Variants in TCF4 observed in about 807,000 individuals in gnomAD.
The protein encoded by TCF4 is transcription factor 4.
In TCF4, 3 loss-of-function variants were observed where a neutral mutation model predicts 82.1. The ratio of observed to expected loss-of-function variants is 0.04; its 90% CI spans 0.02 to 0.09. TCF4 has a LOEUF of 0.09. TCF4 is among the 10% of genes least tolerant of loss of function. TCF4 has a pLI of 1.00. For missense variants in TCF4, 518 were observed against 852.7 expected, an observed-to-expected ratio of 0.61 and a Z score of 4.89; for synonymous variants, 276 against 309.6, an observed-to-expected ratio of 0.89 and a Z score of 1.14.
intron 8 of TCF4, among the ~76,000 whole-genome samples, chr18:55,297,508 G>A (rs1017011052): frequency 1.3e-5 from 2 of 152,146 alleles, no homozygotes; most frequent in Non-Finnish European, 2.9e-5. Context: ...TCTGTAACGT[G>A]CTGTCAGGGC....
At chr18:55,307,518 C>A (rs1412712465) in intron 8 of TCF4, among the ~76,000 whole-genome samples, 1 of 152,264 alleles carries the variant, frequency 6.6e-6, no homozygotes, top group South Asian at 2.1e-4. Flanking sequence ...TTCTGGCAAC[C>A]AAAGACTGCA....
intron 2 of TCF4, among the ~76,000 whole-genome samples, chr18:55,595,720 G>A (rs967630801): frequency 1.3e-5 from 2 of 152,188 alleles, no homozygotes; most frequent in African/African-American, 2.4e-5. Flanking sequence ...AAAAGATTTA[G>A]TACTAGCCTT....
intron 15 of TCF4, among the ~76,000 whole-genome samples, chr18:55,241,261 G>C (rs1173419184): frequency 1.3e-5 from 2 of 152,218 alleles, no homozygotes; most frequent in Non-Finnish European, 1.5e-5. Flanking sequence ...TCTCTCTTCT[G>C]TGTCCCACAC....
At chr18:55,545,995 A>G (rs1190819883) in intron 3 of TCF4, among the ~76,000 whole-genome samples, 1 of 152,194 alleles carries the variant, frequency 6.6e-6, no homozygotes, top group African/African-American at 2.4e-5. Flanking sequence ...TGACTTTTAA[A>G]ATCCAACATG....
At chr18:55,228,710 T>A in intron 18 of TCF4, 137 bp downstream of exon 18, 1 of 920,514 alleles carries the variant, frequency 1.1e-6, no homozygotes, top group South Asian at 1.4e-5. Context: ...TTAGACACAG[T>A]CTGCAATGGA....
chr18:55,236,515 ACT>A (rs1481783520), intron 15 of TCF4, among the ~76,000 whole-genome samples: 2 of 151,548 alleles, frequency 1.3e-5, no homozygotes, highest in Non-Finnish European at 2.9e-5. Flanking sequence ...TTCCTCTGTG[ACT>A]GAAGTCTGCT....
intron 5 of TCF4, among the ~76,000 whole-genome samples, chr18:55,427,824 G>A (rs1388645849): frequency 1.3e-5 from 2 of 152,162 alleles, no homozygotes; most frequent in African/African-American, 4.8e-5. Flanking sequence ...GCGAATGAAT[G>A]AATAAATGAA....
At chr18:55,533,364 GCAAGAT>G (rs2097086749) in intron 3 of TCF4, among the ~76,000 whole-genome samples, 1 of 152,134 alleles carries the variant, frequency 6.6e-6, no homozygotes, top group South Asian at 2.1e-4. Context: ...ACCTGAAAAT[GCAAGAT>G]CAATGCAACA....
chr18:55,276,034 T>C (rs1287087157), intron 9 of TCF4, among the ~76,000 whole-genome samples: 3 of 152,176 alleles, frequency 2.0e-5, no homozygotes, highest in African/African-American at 7.2e-5. Flanking sequence ...CGCAAGGTAA[T>C]TACTGCTAAA....
intron 11 of TCF4, 30 bp from the exon 12 acceptor site, chr18:55,261,563 C>A: frequency 6.2e-7 from 1 of 1,613,450 alleles, no homozygotes; most frequent in Non-Finnish European, 8.5e-7. Flanking sequence ...AATATGAAAA[C>A]CAGGCAGTGA....
At chr18:55,409,656 A>C (rs1351656579) in intron 5 of TCF4, among the ~76,000 whole-genome samples, 1 of 152,202 alleles carries the variant, frequency 6.6e-6, no homozygotes. Flanking sequence ...AGGTTACTAT[A>C]TATTTGTAGT....
chr18:55,378,703 T>A (rs1015587231), intron 6 of TCF4, among the ~76,000 whole-genome samples: 1 of 152,188 alleles, frequency 6.6e-6, no homozygotes, highest in Non-Finnish European at 1.5e-5. Context: ...TTATCTAACA[T>A]AAAGTCAGAC....
At chr18:55,545,380 C>T (rs147981586) in intron 3 of TCF4, among the ~76,000 whole-genome samples, 30 of 152,292 alleles carry the variant, frequency 2.0e-4, no homozygotes, top group African/African-American at 7.0e-4. Context: ...GGCTCTTAAA[C>T]TCAGCACCAA....
At chr18:55,342,669 CTT>C (rs2080256566) in intron 8 of TCF4, among the ~76,000 whole-genome samples, 2 of 152,116 alleles carry the variant, frequency 1.3e-5, no homozygotes, top group South Asian at 4.1e-4. Context: ...CCTTTAACGT[CTT>C]GAGTTATTAA....
chr18:55,482,450 C>T (rs943009324), intron 3 of TCF4, among the ~76,000 whole-genome samples: 8 of 152,174 alleles, frequency 5.3e-5, no homozygotes, highest in African/African-American at 1.9e-4. Context: ...TGTAGTGATC[C>T]CACACAAATC....
At chr18:55,613,990 C>A (rs1437155408) in intron 2 of TCF4, among the ~76,000 whole-genome samples, 1 of 152,192 alleles carries the variant, frequency 6.6e-6, no homozygotes, top group African/African-American at 2.4e-5. Flanking sequence ...ATGATCATAG[C>A]TCACTGCGGC....
chr18:55,254,732 T>G, intron 14 of TCF4, 32 bp from the exon 15 acceptor site: 7 of 1,577,588 alleles, frequency 4.4e-6, no homozygotes, highest in Non-Finnish European at 6.0e-6. Flanking sequence ...AAAATTTGAT[T>G]TAGTTCAAAA....
chr18:55,508,275 A>T (rs1603617532), intron 3 of TCF4, among the ~76,000 whole-genome samples: 1 of 151,672 alleles, frequency 6.6e-6, no homozygotes, highest in Non-Finnish European at 1.5e-5. Flanking sequence ...TCTATAACCT[A>T]CTCCAGGTCT....
chr18:55,325,292 AAG>A (rs750188698), intron 8 of TCF4, among the ~76,000 whole-genome samples: 4 of 152,180 alleles, frequency 2.6e-5, no homozygotes, highest in South Asian at 2.1e-4. Context: ...AAATTGAGAA[AAG>A]AGAGAAAATA....
Sources: allele counts gnomAD v4.1 joint callset (sites outside exome capture counted in the v4.1 genomes callset), GRCh38; gene constraint gnomAD v4.1.1; transcripts MANE v1.5; gene names NCBI Gene and HGNC (gene_info 2026-07-23, HGNC 2026-07-21).